Variants in FRY observed in about 807,000 individuals in gnomAD.
FRY encodes protein furry homolog.
In FRY, 128 loss-of-function variants were observed where a neutral mutation model predicts 348.4. That is an observed-to-expected ratio of 0.37 (90% CI 0.32 to 0.43). The LOEUF is 0.43. Ranked by LOEUF, FRY falls within the 20% of genes least tolerant of loss-of-function variation. FRY has a pLI of 1.00. For synonymous variants in FRY, 1,370 were observed against 1,374.7 expected, an observed-to-expected ratio of 1.00 and a Z score of 0.08; for missense variants, 2,736 against 3,695.2, an observed-to-expected ratio of 0.74 and a Z score of 6.73.
At chr13:32,290,068 T>G (rs941524310) in intron 59 of FRY, among the ~76,000 whole-genome samples, 1 of 152,186 alleles carries the variant, frequency 6.6e-6, no homozygotes, top group African/African-American at 2.4e-5. Flanking sequence ...TTGAAAACTT[T>G]CCATGTGTGT....
At chr13:32,200,869 C>T (rs1230084592) in intron 29 of FRY, among the ~76,000 whole-genome samples, 3 of 152,180 alleles carry the variant, frequency 2.0e-5, no homozygotes, top group Non-Finnish European at 4.4e-5. Flanking sequence ...TCTCTCCCTT[C>T]CTTCTGTCTC....
Position 32,265,626 on chromosome 13 carries a change from C to T in FRY, c.7946+10C>T, listed in dbSNP as rs1469444015. 2 of 1,612,678 alleles carry T rather than the reference C, an allele frequency of 1.2e-6. No individual in the cohort carries two copies. Among genetic ancestry groups the T allele is most frequent in the South Asian group, 1.1e-5 (1 of 90,920 alleles). Reference sequence around the variant, plus strand: ...AGTTTACCCTGGCGAGGTAATGGAGCCCTTGGCTGATGTGAGTGGTGTGAA... The same window carrying T: ...AGTTTACCCTGGCGAGGTAATGGAGTCCTTGGCTGATGTGAGTGGTGTGAA... On this transcript the variant is annotated intron_variant, in intron 54 of 60. Transcript: ENST00000542859.
intron 2 of FRY, among the ~76,000 whole-genome samples, chr13:32,087,047 T>C (rs1875918621): frequency 6.6e-6 from 1 of 152,210 alleles, no homozygotes; most frequent in African/African-American, 2.4e-5. Flanking sequence ...GAATGGAGGC[T>C]TAAAAATAAT....
intron 1 of FRY, among the ~76,000 whole-genome samples, chr13:32,057,935 G>A (rs2138429661): frequency 6.6e-6 from 1 of 151,114 alleles, no homozygotes. Context: ...ACTCCAGCCT[G>A]GGCAACAGAG....
chr13:32,131,395 G>A (rs1448545130), intron 7 of FRY, among the ~76,000 whole-genome samples: 1 of 152,166 alleles, frequency 6.6e-6, no homozygotes, highest in Non-Finnish European at 1.5e-5. Context: ...CTCAATTTAA[G>A]AGCTAGACCA....
chr13:32,108,524 A>G (rs542733073), intron 3 of FRY, among the ~76,000 whole-genome samples: 3 of 152,370 alleles, frequency 2.0e-5, no homozygotes, highest in African/African-American at 7.2e-5. Context: ...ACATAGAGAT[A>G]TAAAATGAAC....
chr13:32,232,195 A>G (rs1055872403), intron 41 of FRY, among the ~76,000 whole-genome samples: 2 of 152,358 alleles, frequency 1.3e-5, no homozygotes, highest in East Asian at 1.9e-4. Flanking sequence ...GCAGTTTACT[A>G]TTTGTATGTA....
In FRY at chr13:32,249,512, GTCT is replaced by G. The variant is rs758856299; in HGVS notation, c.7009-7_7009-5del. Reference sequence around the variant, plus strand: ...CATTGAGACAGAATAATGTGCGTTTGTCTTCTTCTCAAGACTCCAATCATCGGG... The same window carrying G: ...CATTGAGACAGAATAATGTGCGTTTGTCTTCTCAAGACTCCAATCATCGGG... On this transcript the variant is annotated splice_polypyrimidine_tract_variant and intron_variant, in intron 48 of 60. Transcript: ENST00000542859. 2 of 1,613,778 alleles carry G rather than the reference GTCT, an allele frequency of 1.2e-6. No individual in the cohort carries two copies. Among genetic ancestry groups the G allele is most frequent in the South Asian group, 1.1e-5 (1 of 91,052 alleles).
At chr13:32,106,413 T>A (rs969147469) in intron 3 of FRY, among the ~76,000 whole-genome samples, 13 of 152,160 alleles carry the variant, frequency 8.5e-5, no homozygotes, top group Middle Eastern at 3.4e-3. Context: ...TTTCAGCAGG[T>A]AAAGGATCTA....
At chr13:32,250,238 T>C (rs370666517) in intron 49 of FRY, among the ~76,000 whole-genome samples, 19 of 152,360 alleles carry the variant, frequency 1.2e-4, no homozygotes, top group African/African-American at 4.6e-4. Context: ...TTGGGCTTCC[T>C]GTCAAGTAAA....
At chr13:32,203,584 A>G (rs192557477) in intron 31 of FRY, among the ~76,000 whole-genome samples, 13 of 152,098 alleles carry the variant, frequency 8.5e-5, no homozygotes, top group African/African-American at 3.1e-4. Context: ...TTAGCTGGGC[A>G]TGGTGGCCCA....
At chr13:32,153,535 G>T (rs1880927114) in intron 14 of FRY, among the ~76,000 whole-genome samples, 1 of 152,194 alleles carries the variant, frequency 6.6e-6, no homozygotes, top group African/African-American at 2.4e-5. Flanking sequence ...TAGGAGAGAA[G>T]ACTAACCGCA....
rs113186602 is a variant in FRY, at chr13:32,097,464, G to A, written c.271-4499G>A. On this transcript the variant is annotated intron_variant, in intron 2 of 60. Coordinates refer to ENST00000542859, the MANE Select transcript of FRY (RefSeq NM_023037.3). ...GCAACCTCCACCTCCTGGTTCAAGC[G>A]ATTCTCCCACCTCAGCCTCCCTAGT... Among the ~76,000 whole-genome samples the A allele has an allele frequency of 4.1e-3, 606 of 149,056 alleles. 1 individual carries two copies. Among genetic ancestry groups the A allele is most frequent in the African/African-American group, 0.014 (579 of 40,512 alleles).
intron 29 of FRY, among the ~76,000 whole-genome samples, chr13:32,201,477 A>G (rs1593732241): frequency 1.3e-5 from 2 of 152,240 alleles, no homozygotes; most frequent in African/African-American, 2.4e-5. Context: ...CTATCTTTGT[A>G]TCATTGGTAC....
rs552639471 is a variant in FRY, at chr13:32,138,111, C to T, written c.1179+1139C>T. Reference sequence around the variant, plus strand: ...TCAAGTGTTACATAAAGGCCACTTTCAGGTTTGTTTTTTTTGTTTTGTTTT... The same window carrying T: ...TCAAGTGTTACATAAAGGCCACTTTTAGGTTTGTTTTTTTTGTTTTGTTTT... On this transcript the variant is annotated intron_variant, in intron 11 of 60. Transcript: ENST00000542859. Among the ~76,000 whole-genome samples, 817 of 151,668 alleles carry T rather than the reference C, an allele frequency of 5.4e-3. 5 individuals carry two copies. The highest frequency in any genetic ancestry group is 0.019 in the African/African-American group (786 of 41,360).
At chr13:32,052,479 A>G (rs1465562883) in intron 1 of FRY, among the ~76,000 whole-genome samples, 2 of 152,260 alleles carry the variant, frequency 1.3e-5, no homozygotes, top group Non-Finnish European at 2.9e-5. Context: ...GACATTAAAA[A>G]GAGCTTAAAA....
chr13:32,210,928 C>A lies in FRY; in HGVS notation c.4485C>A (p.Leu1495=). 6.2e-7 allele frequency: 1 copy of A among 1,613,928 alleles called. No homozygotes were observed. Residue 1495 remains leucine, a synonymous_variant, in exon 34 of 61, where the codon CTC becomes CTA. Transcript: ENST00000542859. ...CCATTCAAACCATGGAAGAGCTTCT[C>A]TTTGAGCTGCAGCAGACAGAGCCCG... ...NNTIQTMEEL[L]FELQQTEPVN... is the part of the protein sequence containing the mutation.
intron 58 of FRY, among the ~76,000 whole-genome samples, chr13:32,279,035 A>G (rs964475428): frequency 6.6e-6 from 1 of 152,234 alleles, no homozygotes; most frequent in Non-Finnish European, 1.5e-5. Context: ...TTCATTCTGC[A>G]GTTACATATT....
At chr13:32,059,437 C>T (rs530130885) in intron 1 of FRY, among the ~76,000 whole-genome samples, 100 of 130,804 alleles carry the variant, frequency 7.6e-4, no homozygotes, top group African/African-American at 2.8e-3. Context: ...TTGTGCACTA[C>T]TGTCTCAGAA....
Sources: allele counts gnomAD v4.1 joint callset (sites outside exome capture counted in the v4.1 genomes callset), GRCh38; gene constraint gnomAD v4.1.1; transcripts MANE v1.5; gene names NCBI Gene and HGNC (gene_info 2026-07-23, HGNC 2026-07-21).